The following ABCA8 variants were observed in gnomAD, a reference collection of about 807,000 sequenced individuals.
ABCA8 encodes ATP binding cassette subfamily A member 8, also known as ABC-type organic anion transporter ABCA8.
ABCA8 carries 177 observed loss-of-function variants against 192.3 expected under a neutral mutation model. The ratio of observed to expected loss-of-function variants is 0.92; its 90% CI spans 0.81 to 1.04. The LOEUF (loss-of-function observed/expected upper bound fraction) is 1.04. ABCA8 is among the 50% of genes least tolerant of loss of function. ABCA8 has a pLI of 0.00. For synonymous variants in ABCA8, 642 were observed against 690.2 expected, an observed-to-expected ratio of 0.93 and a Z score of 1.09; for missense variants, 1,915 against 1,904.8, an observed-to-expected ratio of 1.01 and a Z score of -0.10.
At chr17:68,886,247 A>C (rs1466536945) in intron 26 of ABCA8, among the ~76,000 whole-genome samples, 2 of 152,104 alleles carry the variant, frequency 1.3e-5, no homozygotes, top group African/African-American at 4.8e-5. Context: ...AAGCTTTTAA[A>C]TCCTTGAGAA....
rs1416440272 is a variant in ABCA8, at chr17:68,867,923, C to G, written c.*162G>C. 7 of 605,526 alleles carry G rather than the reference C, an allele frequency of 1.2e-5. No homozygotes were observed. The highest frequency in any genetic ancestry group is 2.0e-5 in the Non-Finnish European group (7 of 347,512). The allele number at this position is 605,526 out of a possible 1,614,324, so 37.5% of individuals were successfully genotyped here. ...GCTTAGTCAAATGCCTCTGTCCACA[C>G]TGACATGGCACTTACCCAGCACCCG... On this transcript the variant is annotated 3_prime_UTR_variant, in exon 40 of 40. Transcript: ENST00000586539.
In ABCA8 at chr17:68,868,314, G is replaced by A. The variant is rs2065966623; in HGVS notation, c.4754C>T (p.Ser1585Phe). The A allele has an allele frequency of 1.2e-6, 2 of 1,613,742 alleles. No individual in the cohort carries two copies. Among genetic ancestry groups the A allele is most frequent in the East Asian group, 4.5e-5 (2 of 44,866 alleles). The change falls in exon 39 of 40, where the codon TCT (serine) becomes TTT (phenylalanine). Residue 1585 changes from serine to phenylalanine, a missense_variant. By Grantham distance (155) the Ser-to-Phe change is radical. Coordinates refer to ENST00000586539, the MANE Select transcript of ABCA8 (RefSeq NM_001288985.2). ...FDLEEYSLSQ[S>F]TLEQVFLELS... ...AAAATGACCCACCTGCTCCAGGGTA[G>A]ACTGTGAGAGGCTGTACTCCTCTAG...
At chr17:68,874,985 T>C (rs891485064) in intron 37 of ABCA8, among the ~76,000 whole-genome samples, 2 of 151,980 alleles carry the variant, frequency 1.3e-5, no homozygotes, top group Non-Finnish European at 2.9e-5. Flanking sequence ...AGTCTACTCA[T>C]TTTTTTTACT....
chr17:68,907,741 T>C lies in ABCA8; in HGVS notation c.2277A>G (p.Pro759=). Residue 759 remains proline (P), a splice_region_variant and synonymous_variant, in exon 18 of 40, where the codon CCA becomes CCG. Coordinates refer to ENST00000586539, the MANE Select transcript of ABCA8 (RefSeq NM_001288985.2). ...TTTCACAGTGTTCATGCACATTACC[T>C]GGAAATTTATTTGTTCTTTCTAAGG... ...TLPLERTNKF[P]ELYKDLDSYP... 1 of 1,583,362 alleles carries C rather than the reference T, an allele frequency of 6.3e-7. No homozygotes were observed.
chr17:68,922,666 G>T (rs1160750800), intron 11 of ABCA8, among the ~76,000 whole-genome samples: 2 of 152,054 alleles, frequency 1.3e-5, no homozygotes, highest in East Asian at 1.9e-4. Flanking sequence ...ATACCCAAAG[G>T]CTCCTGTGAA....
intron 1 of ABCA8, among the ~76,000 whole-genome samples, chr17:68,954,625 A>C (rs1206085283): frequency 1.3e-5 from 2 of 152,182 alleles, no homozygotes; most frequent in Admixed American, 6.5e-5. Flanking sequence ...TTTAAATAAC[A>C]TTGTGGTAAA....
intron 36 of ABCA8, 90 bp downstream of exon 36, chr17:68,875,524 C>T (rs530811987): frequency 6.3e-7 from 1 of 1,588,306 alleles, no homozygotes; most frequent in East Asian, 2.2e-5. Context: ...ACAGTCATTT[C>T]AGCTGTTTTC....
At chr17:68,886,977 T>C (rs1339374801) in intron 26 of ABCA8, 40 bp downstream of exon 26, 1 of 1,394,002 alleles carries the variant, frequency 7.2e-7, no homozygotes, top group Non-Finnish European at 1.0e-6. Flanking sequence ...GAATTGTATA[T>C]CAAATATATA....
At position 68,894,946 on chromosome 17, in the gene ABCA8, A is replaced by C; in HGVS notation, c.2832T>G (p.Phe944Leu). 1 of 1,613,732 alleles carries C rather than the reference A, an allele frequency of 6.2e-7. No homozygotes were observed. The highest frequency in any genetic ancestry group is 1.3e-5 in the African/African-American group (1 of 75,014). ...GGTCATCTGTGCCATTTCTAGTTCC[A>C]AATGCATCCACTTCTAAAGCTATGT... ...HQNIALEVDA[F>L]GTRNGTDDPS... The change falls in exon 22 of 40, where the codon TTT becomes TTG. Residue 944 changes from phenylalanine (F) to leucine (L), a missense_variant. Physicochemically the swap from Phe to Leu is conservative, Grantham distance 22. Coordinates refer to ENST00000586539, the MANE Select transcript of ABCA8 (RefSeq NM_001288985.2).
At chr17:68,932,536 C>T (rs574704488) in intron 6 of ABCA8, 22 bp from the exon 7 acceptor site, 2 of 1,541,988 alleles carry the variant, frequency 1.3e-6, no homozygotes, top group South Asian at 2.2e-5. Flanking sequence ...CATTAATAAG[C>T]AAAATTTGTA....
At chr17:68,928,710 C>T (rs1047723763) in intron 9 of ABCA8, among the ~76,000 whole-genome samples, 13 of 152,060 alleles carry the variant, frequency 8.5e-5, no homozygotes, top group African/African-American at 1.9e-4. Flanking sequence ...TTTTTAATCA[C>T]GTATTCTCTT....
At chr17:68,881,418 T>C (rs980266386) in intron 31 of ABCA8, among the ~76,000 whole-genome samples, 26 of 152,198 alleles carry the variant, frequency 1.7e-4, no homozygotes, top group African/African-American at 6.0e-4. Flanking sequence ...AAAGTCACAC[T>C]GATGGAAAGT....
chr17:68,924,777 C>T lies in ABCA8; in HGVS notation c.1366G>A (p.Glu456Lys). ...TGAAATGAAGGATCGGCATCCATTTCATCTTCAAGGGCCACGTGATCAGTC... is the reference window on the plus strand; with the variant it reads ...TGAAATGAAGGATCGGCATCCATTTTATCTTCAAGGGCCACGTGATCAGTC... ...QKTDHVALED[E>K]MDADPSFHDS... Residue 456 changes from glutamate (E) to lysine (K), a missense_variant, in exon 11 of 40, where the codon GAA (glutamate) becomes AAA (lysine). By Grantham distance (56) the Glu-to-Lys change is moderately conservative (BLOSUM62 1). Transcript: ENST00000586539. 1 of 1,614,162 alleles carries T rather than the reference C, an allele frequency of 6.2e-7. No individual in the cohort carries two copies. The highest frequency in any genetic ancestry group is 8.5e-7 in the Non-Finnish European group (1 of 1,179,992).
intron 35 of ABCA8, 31 bp downstream of exon 35, chr17:68,876,429 T>C: frequency 6.2e-7 from 1 of 1,613,788 alleles, no homozygotes; most frequent in Non-Finnish European, 8.5e-7. Flanking sequence ...AAGTCATCCG[T>C]GCTGTCCCTG....
chr17:68,918,845 G>A (rs2067457145), intron 14 of ABCA8, among the ~76,000 whole-genome samples: 2 of 147,590 alleles, frequency 1.4e-5, no homozygotes, highest in Admixed American at 6.9e-5. Flanking sequence ...CAGGAGAATC[G>A]CTTGAACCTG....
At chr17:68,897,062 T>C (rs976077148) in intron 21 of ABCA8, among the ~76,000 whole-genome samples, 1 of 152,226 alleles carries the variant, frequency 6.6e-6, no homozygotes, top group Non-Finnish European at 1.5e-5. Context: ...CTGGGGATCT[T>C]GTAATGTTTC....
chr17:68,873,494 A>G (rs1042859767), intron 37 of ABCA8, among the ~76,000 whole-genome samples: 6 of 152,140 alleles, frequency 3.9e-5, no homozygotes, highest in Admixed American at 2.0e-4. Flanking sequence ...CTCCCATTCC[A>G]TAGGTTGCCT....
rs1455811639 is a variant in ABCA8 at position 68,919,616 on chromosome 17, G to A, written c.1613-140C>T. The A allele has an allele frequency of 9.9e-6, 7 of 710,122 alleles. No homozygotes were observed. In the Admixed American group the frequency reaches 2.1e-4, roughly 21 times the overall value. The allele number at this position is 710,122 out of a possible 1,614,324, so 44.0% of individuals were successfully genotyped here. A position where few individuals can be genotyped will look rare whatever the true frequency, so the allele number is the denominator to read the frequency against. On this transcript the variant is annotated intron_variant, in intron 13 of 39. Transcript: ENST00000586539. ...TAGAAACTTCTACTTTAGTTGCATA[G>A]TATATTCAAAATATGTTCTCATCTG... is the stretch of plus-strand genomic sequence containing the variant.
In ABCA8 at chr17:68,917,467, A is replaced by T; in HGVS notation, c.2048-16T>A. 1 of 1,589,002 alleles carries T rather than the reference A, an allele frequency of 6.3e-7. No individual in the cohort carries two copies. The highest frequency in any genetic ancestry group is 8.6e-7 in the Non-Finnish European group (1 of 1,162,444). ...ACTTTCCTGTCTGAAAAAGAAGAAG[A>T]GCAAAGAAGAAAGTTTGTTAAAAAG... On this transcript the variant is annotated splice_polypyrimidine_tract_variant and intron_variant, in intron 16 of 39. Transcript: ENST00000586539.
Sources: allele counts gnomAD v4.1 joint callset (sites outside exome capture counted in the v4.1 genomes callset), GRCh38; gene constraint gnomAD v4.1.1; transcripts MANE v1.5; gene names NCBI Gene and HGNC (gene_info 2026-07-23, HGNC 2026-07-21).